Variants in FHOD3 observed in about 807,000 individuals in gnomAD.
FHOD3 encodes formin homology 2 domain containing 3.
Under a neutral mutation model 173.0 loss-of-function variants are expected in FHOD3, and 90 were observed. That is an observed-to-expected ratio of 0.52 (90% CI 0.44 to 0.62). The LOEUF (loss-of-function observed/expected upper bound fraction) is 0.62, where lower values mean the gene tolerates loss of function less well. Among genes scored for constraint, FHOD3 ranks in the 20% least tolerant of loss-of-function variants. The pLI is 0.00. For synonymous variants in FHOD3, 828 were observed against 823.0 expected (o/e 1.01, Z -0.10); for missense variants, 1,945 against 2,034.7 (o/e 0.96, Z 0.85).
intron 2 of FHOD3, among the ~76,000 whole-genome samples, chr18:36,368,395 T>C (rs2047006906): frequency 6.6e-6 from 1 of 152,152 alleles, no homozygotes; most frequent in African/African-American, 2.4e-5. Context: ...CATCCTTTTC[T>C]GCCTGATATT....
intron 2 of FHOD3, among the ~76,000 whole-genome samples, chr18:36,367,220 C>T (rs915073268): frequency 6.6e-6 from 1 of 152,138 alleles, no homozygotes; most frequent in African/African-American, 2.4e-5. Context: ...GCGGTAGTGC[C>T]GTTGTGTCCC....
Position 36,372,667 on chromosome 18 carries a change from C to T in FHOD3, c.273-13C>T, listed in dbSNP as rs768541456. 13 of 1,613,438 alleles carry T rather than the reference C, an allele frequency of 8.1e-6. No homozygotes were observed. The highest frequency in any genetic ancestry group is 1.1e-5 in the Non-Finnish European group (13 of 1,179,682). The stretch of plus-strand genomic sequence containing the variant: ...CTCCTCTGATGCCCCTGTTTTGTCT[C>T]CTGTCTCGTTAGGCGGGGCAAGAAG... On this transcript the variant is annotated splice_polypyrimidine_tract_variant and intron_variant, in intron 2 of 28. Coordinates refer to ENST00000590592, the MANE Select transcript of FHOD3 (RefSeq NM_001281740.3).
chr18:36,449,934 T>A (rs2051725515), intron 3 of FHOD3, among the ~76,000 whole-genome samples: 1 of 152,100 alleles, frequency 6.6e-6, no homozygotes. Flanking sequence ...AAAAAAAAAA[T>A]TCAGTAGGTT....
chr18:36,299,831 T>G (rs1393092434), intron 1 of FHOD3, among the ~76,000 whole-genome samples: 1 of 152,188 alleles, frequency 6.6e-6, no homozygotes, highest in East Asian at 1.9e-4. Flanking sequence ...CTCAGAATCT[T>G]TTGCCCGAAG....
chr18:36,376,938 G>A (rs183117309), intron 3 of FHOD3, among the ~76,000 whole-genome samples: 19 of 152,380 alleles, frequency 1.2e-4, no homozygotes, highest in Admixed American at 8.5e-4. Flanking sequence ...CTGGGGCGCT[G>A]TGTTGAGCAA....
chr18:36,589,759 C>T (rs2059150938), intron 6 of FHOD3, among the ~76,000 whole-genome samples: 1 of 152,194 alleles, frequency 6.6e-6, no homozygotes, highest in African/African-American at 2.4e-5. Flanking sequence ...CTTGAGACCA[C>T]TGATGCTGAT....
At chr18:36,453,397 T>C (rs1033725183) in intron 3 of FHOD3, among the ~76,000 whole-genome samples, 1 of 152,210 alleles carries the variant, frequency 6.6e-6, no homozygotes, top group Non-Finnish European at 1.5e-5. Flanking sequence ...AGTTAGAAAG[T>C]AGGAACTGGA....
chr18:36,529,178 T>A (rs974763126), intron 5 of FHOD3, among the ~76,000 whole-genome samples: 8 of 152,216 alleles, frequency 5.3e-5, no homozygotes, highest in African/African-American at 1.9e-4. Flanking sequence ...TTGAATATGC[T>A]TTTGATGGGG....
intron 5 of FHOD3, among the ~76,000 whole-genome samples, chr18:36,535,416 T>C (rs1020229173): frequency 6.6e-6 from 1 of 152,188 alleles, no homozygotes; most frequent in Non-Finnish European, 1.5e-5. Context: ...CTTCCTAGTT[T>C]CTTATGCGAG....
At chr18:36,591,225 A>G (rs554131777) in intron 6 of FHOD3, among the ~76,000 whole-genome samples, 17 of 152,146 alleles carry the variant, frequency 1.1e-4, no homozygotes, top group Non-Finnish European at 1.5e-4. Flanking sequence ...CAGAGAAGCA[A>G]TCGTGGGCCT....
intron 3 of FHOD3, among the ~76,000 whole-genome samples, chr18:36,400,902 A>G (rs2048776289): frequency 6.6e-6 from 1 of 152,186 alleles, no homozygotes; most frequent in African/African-American, 2.4e-5. Flanking sequence ...GACATTTGAC[A>G]TCGAGGAAGG....
At chr18:36,449,271 A>G (rs1262173080) in intron 3 of FHOD3, among the ~76,000 whole-genome samples, 1 of 151,324 alleles carries the variant, frequency 6.6e-6, no homozygotes, top group Non-Finnish European at 1.5e-5. Flanking sequence ...GAAATGGTAC[A>G]TATATGTTTT....
intron 11 of FHOD3, among the ~76,000 whole-genome samples, chr18:36,650,015 C>T (rs902165179): frequency 6.6e-6 from 1 of 152,132 alleles, no homozygotes; most frequent in Admixed American, 6.5e-5. Context: ...TCTTTCTATC[C>T]TCAGGCAACG....
intron 4 of FHOD3, among the ~76,000 whole-genome samples, chr18:36,505,724 T>A (rs2055266231): frequency 6.6e-6 from 1 of 152,158 alleles, no homozygotes; most frequent in Non-Finnish European, 1.5e-5. Context: ...TGATGAAAAT[T>A]TGATGCCAGA....
intron 3 of FHOD3, among the ~76,000 whole-genome samples, chr18:36,443,816 C>T (rs1350144363): frequency 6.6e-6 from 1 of 152,084 alleles, no homozygotes; most frequent in African/African-American, 2.4e-5. Flanking sequence ...TTAATCTGAC[C>T]CCACAGACCT....
intron 19 of FHOD3, among the ~76,000 whole-genome samples, chr18:36,721,488 C>T (rs958945113): frequency 1.3e-5 from 2 of 151,984 alleles, no homozygotes; most frequent in Non-Finnish European, 2.9e-5. Flanking sequence ...AAAATGTACA[C>T]ACACGCACAC....
chr18:36,532,534 C>T (rs1031402425), intron 5 of FHOD3, among the ~76,000 whole-genome samples: 20 of 152,208 alleles, frequency 1.3e-4, no homozygotes, highest in Non-Finnish European at 2.8e-4. Flanking sequence ...CTTCTGGTTT[C>T]CTTCCCCATC....
At chr18:36,735,139 G>T (rs2041566578) in intron 20 of FHOD3, among the ~76,000 whole-genome samples, 1 of 151,928 alleles carries the variant, frequency 6.6e-6, no homozygotes, top group African/African-American at 2.4e-5. Context: ...CTACTCAGAG[G>T]GTAGCACAAT....
Position 36,753,473 on chromosome 18 carries a change from A to C in FHOD3, c.4233-1646A>C, listed in dbSNP as rs540627885. Among the ~76,000 whole-genome samples, 5 of 152,338 alleles carry C rather than the reference A, an allele frequency of 3.3e-5. No individual in the cohort carries two copies. In the East Asian group the frequency reaches 9.6e-4, roughly 29 times the overall value. Reference sequence around the variant, plus strand: ...ATACTTAGTTTATCTTTCCATGGACATTTGGGTTGTTTCCACTTTCAGCTA... The same window carrying C: ...ATACTTAGTTTATCTTTCCATGGACCTTTGGGTTGTTTCCACTTTCAGCTA... On this transcript the variant is annotated intron_variant, in intron 24 of 28. Transcript: ENST00000590592.
Sources: allele counts gnomAD v4.1 joint callset (sites outside exome capture counted in the v4.1 genomes callset), GRCh38; gene constraint gnomAD v4.1.1; transcripts MANE v1.5; gene names NCBI Gene and HGNC (gene_info 2026-07-23, HGNC 2026-07-21).